LIMCH1: variants seen among roughly 807,000 people sequenced by gnomAD.
LIMCH1 encodes the protein LIM and calponin homology domains-containing protein 1.
LIMCH1 carries 113 observed loss-of-function variants against 176.5 expected under a neutral mutation model. The ratio of observed to expected loss-of-function variants is 0.64; its 90% confidence interval spans 0.55 to 0.75. The LOEUF (loss-of-function observed/expected upper bound fraction) is 0.75, where lower values mean the gene tolerates loss of function less well. Among genes scored for constraint, LIMCH1 ranks in the 30% least tolerant of loss-of-function variants. The probability of loss-of-function intolerance (pLI) is 0.00; values close to 1 mark genes in which losing one functional copy is unlikely to be tolerated. For synonymous variants in LIMCH1, 619 were observed against 645.9 expected, an observed-to-expected ratio of 0.96 and a Z score of 0.63; for missense variants, 1,674 against 1,814.9, an observed-to-expected ratio of 0.92 and a Z score of 1.41.
At chr4:41,639,026 A>G (rs1204671219) in intron 14 of LIMCH1, 59 bp downstream of exon 14, 5 of 1,255,906 alleles carry the variant, frequency 4.0e-6, no homozygotes, top group East Asian at 5.0e-5. Context: ...GCATGCTTCC[A>G]GTACTTACCA....
chr4:41,646,662 C>T lies in LIMCH1; in HGVS notation c.2589C>T (p.Ser863=), dbSNP rs900962738. The part of the protein sequence containing the change: ...RSHSTEPNLS[S]FLNDPNPMKY... ...ATTCAACAGAGCCAAATTTATCCTC[C>T]TTCCTGAATGACCCCAATCCCATGA... is the stretch of plus-strand genomic sequence containing the variant. Residue 863 remains serine (S), a synonymous_variant, in exon 17 of 32, where the codon TCC becomes TCT. Coordinates refer to ENST00000503057, the MANE Select transcript of LIMCH1 (RefSeq NM_001330672.2). 3.7e-6 allele frequency: 6 copies of T among 1,614,216 alleles called. No homozygotes were observed. The South Asian group carries it at 4.4e-5, about 12-fold the overall frequency.
At chr4:41,367,699 A>C (rs1025768917) in intron 1 of LIMCH1, among the ~76,000 whole-genome samples, 3 of 150,132 alleles carry the variant, frequency 2.0e-5, no homozygotes, top group African/African-American at 7.3e-5. Flanking sequence ...AAAAAAAAAA[A>C]AAAAAAAGGA....
At chr4:41,668,672 T>C (rs905847367) in intron 21 of LIMCH1, among the ~76,000 whole-genome samples, 1 of 152,228 alleles carries the variant, frequency 6.6e-6, no homozygotes, top group Non-Finnish European at 1.5e-5. Flanking sequence ...GAATTGTATT[T>C]GGAATACACC....
intron 1 of LIMCH1, among the ~76,000 whole-genome samples, chr4:41,444,317 C>T (rs201721135): frequency 0.029 from 872 of 30,582 alleles, 13 homozygotes; most frequent in African/African-American, 0.23. Context: ...TATATATACA[C>T]ACACACACAC....
chr4:41,391,738 A>G (rs56374613), intron 1 of LIMCH1, among the ~76,000 whole-genome samples: 4,405 of 152,252 alleles, frequency 0.029, 224 homozygotes, highest in African/African-American at 0.1. Flanking sequence ...AAGGTCGTAA[A>G]AAGCAAGCAA....
intron 1 of LIMCH1, among the ~76,000 whole-genome samples, chr4:41,408,041 A>G (rs1400564907): frequency 6.6e-6 from 1 of 152,232 alleles, no homozygotes; most frequent in Non-Finnish European, 1.5e-5. Context: ...GTCTCATTTC[A>G]TACCTCGCCT....
intron 1 of LIMCH1, among the ~76,000 whole-genome samples, chr4:41,556,434 A>T (rs1047513420): frequency 3.3e-5 from 5 of 151,310 alleles, no homozygotes; most frequent in Non-Finnish European, 7.4e-5. Context: ...AGAAAATATC[A>T]TAACATGCAG....
chr4:41,576,919 C>T (rs4555678), intron 1 of LIMCH1, among the ~76,000 whole-genome samples: 59 of 152,230 alleles, frequency 3.9e-4, no homozygotes, highest in African/African-American at 1.4e-3. Context: ...GTTGATAATA[C>T]ACTGATATGC....
intron 1 of LIMCH1, among the ~76,000 whole-genome samples, chr4:41,446,889 G>A (rs1378946633): frequency 6.6e-6 from 1 of 152,198 alleles, no homozygotes; most frequent in East Asian, 1.9e-4. Context: ...TTCTGGTATA[G>A]ATCAGTGTCG....
At chr4:41,458,307 A>G (rs2064864331) in intron 1 of LIMCH1, among the ~76,000 whole-genome samples, 1 of 152,170 alleles carries the variant, frequency 6.6e-6, no homozygotes, top group African/African-American at 2.4e-5. Flanking sequence ...GTGACTTGTA[A>G]AAAAACCAAA....
chr4:41,460,455 CATCTAT>C (rs1275502475), intron 1 of LIMCH1, among the ~76,000 whole-genome samples: 5 of 92,182 alleles, frequency 5.4e-5, no homozygotes, highest in African/African-American at 1.7e-4. Context: ...CTATAGTAAT[CATCTAT>C]ATATATATAT....
chr4:41,654,033 T>C (rs770514634), intron 18 of LIMCH1, among the ~76,000 whole-genome samples: 3 of 152,202 alleles, frequency 2.0e-5, no homozygotes, highest in Non-Finnish European at 4.4e-5. Flanking sequence ...TATTACCTGT[T>C]TTTTGAAATA....
intron 1 of LIMCH1, among the ~76,000 whole-genome samples, chr4:41,545,040 G>A (rs1336771611): frequency 6.6e-6 from 1 of 152,240 alleles, no homozygotes; most frequent in African/African-American, 2.4e-5. Flanking sequence ...GGACTTCAGT[G>A]TCATAGGACA....
At chr4:41,676,339 G>A in intron 22 of LIMCH1, 43 bp from the exon 23 acceptor site, 1 of 1,532,902 alleles carries the variant, frequency 6.5e-7, no homozygotes, top group South Asian at 1.1e-5. Context: ...TGTCCCTTGA[G>A]GACATGGCTC....
chr4:41,684,164 T>A (rs1718647651), intron 26 of LIMCH1, among the ~76,000 whole-genome samples: 1 of 152,154 alleles, frequency 6.6e-6, no homozygotes, highest in African/African-American at 2.4e-5. Context: ...TGAAGACCTT[T>A]GTGGACAGAG....
intron 1 of LIMCH1, chr4:41,550,989 A>T (rs2080326359): frequency 6.6e-6 from 1 of 152,210 alleles, no homozygotes; most frequent in African/African-American, 2.4e-5. Context: ...GACTTAGTTA[A>T]TTTCTCATGA....
At chr4:41,519,475 A>G in intron 2 of LIMCH1, among the ~76,000 whole-genome samples, 1 of 152,206 alleles carries the variant, frequency 6.6e-6, no homozygotes, top group Non-Finnish European at 1.5e-5. Context: ...TCTCAGTGCC[A>G]TTAACTTGTT....
At chr4:41,468,724 G>A (rs11944274) in intron 1 of LIMCH1, among the ~76,000 whole-genome samples, 74,904 of 151,630 alleles carry the variant, frequency 0.49, 22,027 homozygotes, top group African/African-American at 0.83. Flanking sequence ...TGTCATTCAG[G>A]TAAGATCAAA....
intron 4 of LIMCH1, chr4:41,609,529 A>G (rs1453617918): frequency 7.3e-6 from 3 of 410,906 alleles, no homozygotes; most frequent in African/African-American, 6.2e-5. Context: ...CCACCTTACA[A>G]ATCACAAAGG....
Sources: allele counts gnomAD v4.1 joint callset (sites outside exome capture counted in the v4.1 genomes callset), GRCh38; gene constraint gnomAD v4.1.1; transcripts MANE v1.5; gene names NCBI Gene and HGNC (gene_info 2026-07-23, HGNC 2026-07-21).